Variants in INTU observed in about 807,000 individuals in gnomAD.
INTU encodes protein inturned.
A neutral mutation model predicts 100.5 loss-of-function variants in INTU; 68 were observed. The ratio of observed to expected loss-of-function variants is 0.68; its 90% CI spans 0.56 to 0.83. The LOEUF is 0.83. INTU is among the 40% of genes least tolerant of loss of function. INTU has a pLI of 0.00. For missense variants in INTU, 1,071 were observed against 1,114.7 expected (o/e 0.96, Z 0.56); for synonymous variants, 357 against 395.7 (o/e 0.90, Z 1.16).
At chr4:127,676,050 T>C (rs1729160466) in intron 6 of INTU, 1 of 179,240 alleles carries the variant, frequency 5.6e-6, no homozygotes, top group East Asian at 1.5e-4. Context: ...AATATCAAAA[T>C]GATTATGTTT....
At chr4:127,678,863 C>T (rs1249000807) in intron 6 of INTU, among the ~76,000 whole-genome samples, 5 of 151,660 alleles carry the variant, frequency 3.3e-5, no homozygotes, top group African/African-American at 4.8e-5. Flanking sequence ...ACCCATCTCA[C>T]GTGCAGAGAC....
In INTU at chr4:127,711,034, C is replaced by G. The variant is rs762250762; in HGVS notation, c.2491C>G (p.Leu831Val). The G allele has an allele frequency of 3.1e-6, 5 of 1,609,280 alleles. No individual in the cohort carries two copies. The Admixed American group carries it at 6.7e-5, about 21-fold the overall frequency. Reference sequence around the variant, plus strand: ...GCTAAGTGGCTCTATCCACCCTCAGCTAATAAAGAATTTCCATCAGTGTTG... The same window carrying G: ...GCTAAGTGGCTCTATCCACCCTCAGGTAATAAAGAATTTCCATCAGTGTTG... ...AQLSGSIHPQ[L>V]IKNFHQCCLS... Residue 831 changes from leucine to valine, a missense_variant, in exon 14 of 16, where the codon CTA (leucine) becomes GTA (valine). Physicochemically the swap from Leu to Val is conservative, Grantham distance 32 (BLOSUM62 1). Coordinates refer to ENST00000335251, the MANE Select transcript of INTU (RefSeq NM_015693.4).
intron 2 of INTU, among the ~76,000 whole-genome samples, chr4:127,648,971 A>G (rs145333810): frequency 1.1e-3 from 168 of 152,280 alleles, no homozygotes; most frequent in Non-Finnish European, 2.0e-3. Flanking sequence ...TCTGAGTTGT[A>G]TCTCTTGAGC....
intron 3 of INTU, among the ~76,000 whole-genome samples, chr4:127,661,042 T>C (rs1728453109): frequency 6.6e-6 from 1 of 152,220 alleles, no homozygotes; most frequent in Non-Finnish European, 1.5e-5. Context: ...AAAAATGTCT[T>C]TTTAAAGTAT....
chr4:127,698,115 T>C (rs1730475828), intron 8 of INTU, among the ~76,000 whole-genome samples: 1 of 152,036 alleles, frequency 6.6e-6, no homozygotes, highest in Non-Finnish European at 1.5e-5. Flanking sequence ...AGTGAAACTA[T>C]GTCCACAAAA....
chr4:127,702,929 C>G (rs1279722595), intron 9 of INTU, among the ~76,000 whole-genome samples: 1 of 152,062 alleles, frequency 6.6e-6, no homozygotes. Context: ...CTCAGCATAC[C>G]TCCTTTTACC....
intron 8 of INTU, among the ~76,000 whole-genome samples, chr4:127,693,502 G>A (rs993601657): frequency 1.3e-5 from 2 of 151,968 alleles, no homozygotes; most frequent in African/African-American, 2.4e-5. Context: ...TAGGTATATA[G>A]TCATATCATT....
chr4:127,703,024 C>G (rs1173128384), intron 9 of INTU, among the ~76,000 whole-genome samples: 1 of 152,128 alleles, frequency 6.6e-6, no homozygotes, highest in South Asian at 2.1e-4. Context: ...CCTCTGACAA[C>G]CCCTTTGAAT....
intron 6 of INTU, 133 bp downstream of exon 6, chr4:127,674,346 T>A: frequency 3.1e-6 from 2 of 644,868 alleles, no homozygotes; most frequent in Non-Finnish European, 5.2e-6. Flanking sequence ...ATTGCACTAG[T>A]AAAATAGTTA....
chr4:127,656,990 G>A (rs1224486286), intron 3 of INTU, among the ~76,000 whole-genome samples: 8 of 152,108 alleles, frequency 5.3e-5, no homozygotes, highest in South Asian at 2.1e-4. Flanking sequence ...TTGCAAACTT[G>A]CCATTATAAC....
chr4:127,638,133 GAA>G (rs1727156331), intron 1 of INTU, among the ~76,000 whole-genome samples: 1 of 152,108 alleles, frequency 6.6e-6, no homozygotes, highest in African/African-American at 2.4e-5. Flanking sequence ...ACACAGAAAA[GAA>G]AACACAGAAA....
chr4:127,649,497 G>A (rs1727736015), intron 2 of INTU, among the ~76,000 whole-genome samples: 1 of 151,756 alleles, frequency 6.6e-6, no homozygotes, highest in Non-Finnish European at 1.5e-5. Flanking sequence ...CCTGGGACCA[G>A]AAGTGCTTCC....
rs1731411317 is a variant in INTU, at chr4:127,725,971, T to C, written c.*9535T>C. 1 of 152,214 alleles carries C rather than the reference T, an allele frequency of 6.6e-6. No homozygotes were observed. Among genetic ancestry groups the C allele is most frequent in the Non-Finnish European group, 1.5e-5 (1 of 68,026 alleles). The allele number at this position is 152,214 out of a possible 1,614,324, so 9.4% of individuals were successfully genotyped here. ...TGACAGTGCAGATATCCTAGAAATA[T>C]GCTTTAGAAGACATAGAAACGTTGT... On this transcript the variant is annotated 3_prime_UTR_variant, in exon 16 of 16. Transcript: ENST00000335251.
At chr4:127,704,034 G>A (rs1370809791) in intron 9 of INTU, among the ~76,000 whole-genome samples, 194 bp from the exon 10 acceptor site, 3 of 152,062 alleles carry the variant, frequency 2.0e-5, no homozygotes, top group Admixed American at 2.0e-4. Context: ...TGAAACATAA[G>A]GTTGTTCTCA....
intron 1 of INTU, 43 bp downstream of exon 1, chr4:127,633,223 CCAGAGAATATA>C (rs1369589686): frequency 7.5e-6 from 12 of 1,592,268 alleles, no homozygotes; most frequent in Non-Finnish European, 1.0e-5. Context: ...TCCCATCAAT[CCAGAGAATATA>C]CACGTGGGCT....
intron 3 of INTU, among the ~76,000 whole-genome samples, chr4:127,657,648 G>A (rs915638799): frequency 4.0e-5 from 6 of 151,858 alleles, no homozygotes; most frequent in Non-Finnish European, 7.4e-5. Flanking sequence ...CTAGGAGCAC[G>A]AACCCTATTG....
In INTU at chr4:127,710,806, A is replaced by G. The variant is rs1721465713; in HGVS notation, c.2370-107A>G. The G allele has an allele frequency of 1.9e-5, 11 of 577,408 alleles. No individual in the cohort carries two copies. The East Asian group carries it at 3.2e-4, about 17-fold the overall frequency. 35.8% of individuals were successfully genotyped at this position (577,408 alleles called of 1,614,324 possible). A position where few individuals can be genotyped will look rare whatever the true frequency, so the allele number is the denominator to read the frequency against. On this transcript the variant is annotated intron_variant, in intron 13 of 15. Coordinates refer to ENST00000335251, the MANE Select transcript of INTU (RefSeq NM_015693.4). ...TCCCTAATTATACTACTAATATTAT[A>G]TTGTAGATAAAAGCTTATAAGAAGT...
At position 127,700,022 on chromosome 4, in the gene INTU, A is replaced by C. The variant is rs761321729; in HGVS notation, c.1462A>C (p.Met488Leu). The stretch of plus-strand genomic sequence containing the variant: ...TTTTTTAACATAGATGGAATTAGAC[A>C]TGGCATTAAGTGACTTGGAGGCTGC... ...LPLEIKMELDMALSDLEAADF... is the reference protein window; with the variant it reads ...LPLEIKMELDLALSDLEAADF... Residue 488 changes from methionine (M) to leucine (L), a missense_variant, in exon 9 of 16, where the codon ATG (methionine) becomes CTG (leucine). Physicochemically the swap from Met to Leu is conservative, Grantham distance 15 (BLOSUM62 2). Coordinates refer to ENST00000335251, the MANE Select transcript of INTU (RefSeq NM_015693.4). The C allele has an allele frequency of 9.4e-6, 15 of 1,598,946 alleles. 1 individual carries two copies. The East Asian group carries it at 3.4e-4, about 36-fold the overall frequency.
Position 127,684,497 on chromosome 4 carries a change from C to A in INTU, c.1259+11C>A. 2.2e-6 allele frequency: 3 copies of A among 1,379,232 alleles called. No homozygotes were observed. The highest frequency in any genetic ancestry group is 2.4e-5 in the East Asian group (1 of 42,200). The allele number at this position is 1,379,232 out of a possible 1,614,324, so 85.4% of individuals were successfully genotyped here. A position where few individuals can be genotyped will look rare whatever the true frequency, so the allele number is the denominator to read the frequency against. Reference sequence around the variant, plus strand: ...TGGTTCTTTAGATAGGTAAGTACTTCTTCAAATTGAATCTCAAGTTTTAAT... The same window carrying A: ...TGGTTCTTTAGATAGGTAAGTACTTATTCAAATTGAATCTCAAGTTTTAAT... On this transcript the variant is annotated intron_variant, in intron 7 of 15. Transcript: ENST00000335251.
Sources: gnomAD v4.1 joint callset for allele counts (sites outside exome capture counted in the v4.1 genomes callset) on GRCh38, gnomAD v4.1.1 for gene constraint, MANE v1.5 for transcripts, NCBI Gene and HGNC (gene_info 2026-07-23, HGNC 2026-07-21) for gene names.